SCN11A: variants seen among roughly 807,000 people sequenced by gnomAD.
The protein encoded by SCN11A is sodium channel protein type 11 subunit alpha.
In SCN11A, 122 loss-of-function variants were observed where a neutral mutation model predicts 162.2. The observed-to-expected ratio is 0.75, with a 90% CI of 0.65 to 0.87. The LOEUF is 0.87. Among genes scored for constraint, SCN11A ranks in the 40% least tolerant of loss-of-function variants. The probability of loss-of-function intolerance (pLI) is 0.00; values close to 1 mark genes in which losing one functional copy is unlikely to be tolerated. For missense variants in SCN11A, 2,015 were observed against 2,181.6 expected (o/e 0.92, Z 1.52); for synonymous variants, 758 against 751.5 (o/e 1.01, Z -0.14).
intron 2 of SCN11A, among the ~76,000 whole-genome samples, chr3:39,022,647 T>C (rs2031479826): frequency 6.6e-6 from 1 of 152,244 alleles, no homozygotes; most frequent in South Asian, 2.1e-4. Flanking sequence ...TTTGGGAAAC[T>C]GAGGCTGGTG....
At chr3:39,022,607 G>A (rs1468658554) in intron 2 of SCN11A, among the ~76,000 whole-genome samples, 1 of 152,054 alleles carries the variant, frequency 6.6e-6, no homozygotes, top group Non-Finnish European at 1.5e-5. Flanking sequence ...TCTTGCCAGG[G>A]GCAGTGGCTC....
At chr3:38,960,743 C>A (rs144826640) in intron 2 of SCN11A, among the ~76,000 whole-genome samples, 1 of 152,184 alleles carries the variant, frequency 6.6e-6, no homozygotes, top group Admixed American at 6.5e-5. Flanking sequence ...GTCTCACCCC[C>A]CACAGGACCC....
intron 4 of SCN11A, among the ~76,000 whole-genome samples, chr3:38,950,932 C>T (rs983671759): frequency 6.6e-6 from 1 of 152,254 alleles, no homozygotes; most frequent in Non-Finnish European, 1.5e-5. Flanking sequence ...GACCCCCATG[C>T]CGGCTCTCTC....
intron 12 of SCN11A, 133 bp downstream of exon 12, chr3:38,909,933 A>T (rs2065861749): frequency 3.3e-6 from 3 of 918,686 alleles, no homozygotes; most frequent in East Asian, 5.3e-5. Flanking sequence ...ACTGTTAAAG[A>T]TGAGACAGAT....
At chr3:38,848,003 A>G (rs1276898149) in intron 29 of SCN11A, among the ~76,000 whole-genome samples, 2 of 152,180 alleles carry the variant, frequency 1.3e-5, no homozygotes, top group Non-Finnish European at 2.9e-5. Context: ...ACAAGTGAGG[A>G]CAGCTTATCT....
intron 8 of SCN11A, among the ~76,000 whole-genome samples, 181 bp downstream of exon 8, chr3:38,926,622 T>TG (rs1051785013): frequency 7.9e-5 from 12 of 152,066 alleles, no homozygotes; most frequent in East Asian, 1.9e-4. Flanking sequence ...GCTTTGTGTG[T>TG]GGGGGCCTCT....
At chr3:38,898,173 G>A (rs997667183) in intron 17 of SCN11A, among the ~76,000 whole-genome samples, 2 of 152,178 alleles carry the variant, frequency 1.3e-5, no homozygotes, top group Non-Finnish European at 2.9e-5. Context: ...GGGAGGCAGA[G>A]GTTGCAGTGA....
At chr3:38,974,709 A>AAAAAGAAAAG (rs770656526) in intron 2 of SCN11A, among the ~76,000 whole-genome samples, 34 of 130,446 alleles carry the variant, frequency 2.6e-4, no homozygotes, top group South Asian at 9.8e-4. Flanking sequence ...AAAAAAAAAA[A>AAAAAGAAAAG]AAAAGAAAAG....
intron 1 of SCN11A, among the ~76,000 whole-genome samples, chr3:39,041,117 T>C (rs1365895975): frequency 6.6e-6 from 1 of 151,958 alleles, no homozygotes; most frequent in East Asian, 1.9e-4. Flanking sequence ...ATTTCTGAAC[T>C]TGGAGACAGG....
intron 26 of SCN11A, among the ~76,000 whole-genome samples, chr3:38,870,478 C>T (rs77624549): frequency 3.0e-3 from 454 of 152,292 alleles, no homozygotes; most frequent in Non-Finnish European, 4.9e-3. Flanking sequence ...GAAGACTGGA[C>T]TTCAGAGAAT....
chr3:38,879,075 A>G (rs146781263), intron 23 of SCN11A, among the ~76,000 whole-genome samples: 2 of 152,234 alleles, frequency 1.3e-5, no homozygotes, highest in East Asian at 3.9e-4. Flanking sequence ...ATTAATCTTA[A>G]AAAAAGGATG....
At chr3:38,884,295 T>G (rs1396685801) in intron 21 of SCN11A, among the ~76,000 whole-genome samples, 4 of 152,194 alleles carry the variant, frequency 2.6e-5, no homozygotes, top group South Asian at 2.1e-4. Flanking sequence ...GTTGACATCA[T>G]ATGCACACCT....
Position 38,984,672 on chromosome 3 carries a change from G to A in SCN11A, c.-279-24249C>T, listed in dbSNP as rs565399947. Reference sequence around the variant, plus strand: ...ATTACAGGTACCTGCCACCATGCCCGGCTAATTTTTGTATTTTTAGTAGAG... The same window carrying A: ...ATTACAGGTACCTGCCACCATGCCCAGCTAATTTTTGTATTTTTAGTAGAG... On this transcript the variant is annotated intron_variant, in intron 2 of 29. Coordinates refer to ENST00000302328, the MANE Select transcript of SCN11A (RefSeq NM_001349253.2). Among the ~76,000 whole-genome samples the A allele has an allele frequency of 5.9e-5, 9 of 152,110 alleles. No individual in the cohort carries two copies. The South Asian group carries it at 6.2e-4, about 11-fold the overall frequency.
chr3:39,043,574 A>G (rs1486218531), intron 1 of SCN11A, among the ~76,000 whole-genome samples: 1 of 152,032 alleles, frequency 6.6e-6, no homozygotes, highest in African/African-American at 2.4e-5. Context: ...AGCCAGGCAC[A>G]GAAAGCAAAC....
chr3:38,937,051 C>G (rs2066345476), intron 7 of SCN11A, among the ~76,000 whole-genome samples: 3 of 152,048 alleles, frequency 2.0e-5, no homozygotes, highest in East Asian at 3.9e-4. Flanking sequence ...AGAACAGAGC[C>G]CTCAGAAACA....
chr3:39,042,578 T>C (rs2032073988), intron 1 of SCN11A, among the ~76,000 whole-genome samples: 3 of 151,906 alleles, frequency 2.0e-5, no homozygotes, highest in Admixed American at 1.3e-4. Context: ...TAGCAAACTA[T>C]CCACCTAATA....
At chr3:38,917,831 C>T (rs1406875977) in intron 11 of SCN11A, among the ~76,000 whole-genome samples, 1 of 152,086 alleles carries the variant, frequency 6.6e-6, no homozygotes, top group Non-Finnish European at 1.5e-5. Context: ...AGTTTGTGCA[C>T]CAAAATCTCA....
chr3:38,994,361 A>C (rs2030546972), intron 2 of SCN11A, among the ~76,000 whole-genome samples: 1 of 152,200 alleles, frequency 6.6e-6, no homozygotes, highest in South Asian at 2.1e-4. Flanking sequence ...TTAAGGTGAA[A>C]TGCTGGACTA....
intron 2 of SCN11A, among the ~76,000 whole-genome samples, chr3:38,966,367 T>C (rs983190348): frequency 6.6e-5 from 10 of 152,200 alleles, no homozygotes; most frequent in African/African-American, 2.2e-4. Flanking sequence ...TATAGATCAT[T>C]CATTCATTAC....
Sources: allele counts gnomAD v4.1 joint callset (sites outside exome capture counted in the v4.1 genomes callset), GRCh38; gene constraint gnomAD v4.1.1; transcripts MANE v1.5; gene names NCBI Gene and HGNC (gene_info 2026-07-23, HGNC 2026-07-21).